P3H2: variants seen among roughly 807,000 people sequenced by gnomAD.
The protein encoded by P3H2 is leprecan-like 1.
P3H2 carries 80 observed loss-of-function variants against 87.0 expected under a neutral mutation model. That is an observed-to-expected ratio of 0.92 (90% CI 0.77 to 1.11). The LOEUF (loss-of-function observed/expected upper bound fraction) is 1.11. Among genes scored for constraint, P3H2 ranks in the 50% least tolerant of loss-of-function variants. The probability of loss-of-function intolerance (pLI) is 0.00; values close to 1 mark genes in which losing one functional copy is unlikely to be tolerated. For missense variants in P3H2, 1,001 were observed against 923.9 expected (o/e 1.08, Z -1.08); for synonymous variants, 367 against 359.3 (o/e 1.02, Z -0.24).
chr3:190,042,542 A>G (rs1725669898), intron 1 of P3H2, among the ~76,000 whole-genome samples: 1 of 152,202 alleles, frequency 6.6e-6, no homozygotes, highest in African/African-American at 2.4e-5. Context: ...CTAAAGCTGT[A>G]TAGCAATATA....
intron 1 of P3H2, among the ~76,000 whole-genome samples, chr3:190,099,026 G>A (rs770956711): frequency 3.1e-4 from 47 of 151,826 alleles, no homozygotes; most frequent in Admixed American, 1.2e-3. Flanking sequence ...TGCTATAGCT[G>A]TGCTTTTTTT....
intron 13 of P3H2, among the ~76,000 whole-genome samples, chr3:189,965,853 G>T (rs986050615): frequency 6.6e-6 from 1 of 151,766 alleles, no homozygotes; most frequent in African/African-American, 2.4e-5. Flanking sequence ...AGATGTGTTG[G>T]TGGGTGCCTG....
At chr3:189,983,245 T>C in intron 7 of P3H2, 105 bp from the exon 8 acceptor site, 5 of 836,550 alleles carry the variant, frequency 6.0e-6, no homozygotes, top group South Asian at 1.5e-5. Context: ...TTGTGTATTT[T>C]ATTGTAAACA....
At chr3:190,105,908 C>T (rs1251954418) in intron 1 of P3H2, among the ~76,000 whole-genome samples, 1 of 152,178 alleles carries the variant, frequency 6.6e-6, no homozygotes, top group Non-Finnish European at 1.5e-5. Flanking sequence ...ACTTGTAACC[C>T]TCTACTACTT....
chr3:189,970,438 T>TGAAA (rs1404415746), intron 13 of P3H2, among the ~76,000 whole-genome samples: 3 of 151,356 alleles, frequency 2.0e-5, no homozygotes, highest in Non-Finnish European at 4.4e-5. Flanking sequence ...CCAGGTTACT[T>TGAAA]GAAAGACACC....
At chr3:190,008,219 T>G (rs1235518332) in intron 1 of P3H2, among the ~76,000 whole-genome samples, 1 of 151,926 alleles carries the variant, frequency 6.6e-6, no homozygotes, top group Non-Finnish European at 1.5e-5. Context: ...TAATAATTTT[T>G]TAGTATAGTT....
chr3:190,012,582 T>G (rs1459280801), intron 1 of P3H2, among the ~76,000 whole-genome samples: 1 of 152,228 alleles, frequency 6.6e-6, no homozygotes, highest in Admixed American at 6.5e-5. Flanking sequence ...GGGTTTCTAG[T>G]GTTCCTCTTC....
intron 1 of P3H2, among the ~76,000 whole-genome samples, chr3:190,095,670 G>C (rs189642462): frequency 5.4e-5 from 8 of 149,118 alleles, no homozygotes; most frequent in Non-Finnish European, 8.9e-5. Context: ...GCGTGATCTC[G>C]GCTCACTGCA....
In P3H2 at chr3:190,103,364, T is replaced by C. The variant is rs539939275; in HGVS notation, c.480+16888A>G. Among the ~76,000 whole-genome samples, 6 of 152,348 alleles carry C rather than the reference T, an allele frequency of 3.9e-5. No homozygotes were observed. In the South Asian group the frequency reaches 1.2e-3, roughly 32 times the overall value. On this transcript the variant is annotated intron_variant, in intron 1 of 14. Transcript: ENST00000319332. ...TAATCTGGAATTTAGGAGGTATTGATCATAAGACTATCAGACTTAATCTGG... is the reference window on the plus strand; with the variant it reads ...TAATCTGGAATTTAGGAGGTATTGACCATAAGACTATCAGACTTAATCTGG...
At chr3:189,969,170 C>A in intron 13 of P3H2, 1 of 661,408 alleles carries the variant, frequency 1.5e-6, no homozygotes. Context: ...TCCCGGTCCA[C>A]CAAAACTGCT....
At chr3:190,034,594 GAACA>G (rs1322188990) in intron 1 of P3H2, among the ~76,000 whole-genome samples, 2,549 of 11,024 alleles carry the variant, frequency 0.23, 75 homozygotes, top group African/African-American at 0.41. Flanking sequence ...GAGGAAGAAA[GAACA>G]AACAAATGGT....
chr3:189,983,312 T>C (rs1723595074), intron 7 of P3H2, 172 bp from the exon 8 acceptor site: 2 of 597,656 alleles, frequency 3.3e-6, no homozygotes, highest in Non-Finnish European at 5.9e-6. Context: ...AAGTTCTCTA[T>C]TTCCTCGGTG....
intron 1 of P3H2, among the ~76,000 whole-genome samples, chr3:190,044,044 G>A (rs1725723117): frequency 6.6e-6 from 1 of 152,152 alleles, no homozygotes; most frequent in South Asian, 2.1e-4. Context: ...TAAAATGAAA[G>A]AGAGATTGTT....
intron 1 of P3H2, among the ~76,000 whole-genome samples, chr3:190,053,827 T>C (rs1726065204): frequency 1.3e-5 from 2 of 152,176 alleles, no homozygotes; most frequent in African/African-American, 2.4e-5. Context: ...ATTTCTCTTA[T>C]AGTTTATGTA....
Position 189,968,366 on chromosome 3 carries a change from T to G in P3H2, c.1893+2450A>C, listed in dbSNP as rs1166070421. 2.6e-5 allele frequency among the ~76,000 whole-genome samples: 4 copies of G among 152,140 alleles called. No homozygotes were observed. In the East Asian group the frequency reaches 7.7e-4, roughly 29 times the overall value. On this transcript the variant is annotated intron_variant, in intron 13 of 14. Transcript: ENST00000319332. ...GGTGTTTGGTTTTCTGTTCCTGTGT[T>G]TGTTTGTTGAGAATGATGGTTTCCA... is the stretch of plus-strand genomic sequence containing the variant.
intron 8 of P3H2, among the ~76,000 whole-genome samples, chr3:189,979,740 T>C (rs1723468728): frequency 6.6e-6 from 1 of 151,586 alleles, no homozygotes; most frequent in African/African-American, 2.4e-5. Context: ...GGCGGGTGGA[T>C]CAACTGAGGT....
chr3:189,994,325 C>G, intron 2 of P3H2, 42 bp from the exon 3 acceptor site: 1 of 1,514,292 alleles, frequency 6.6e-7, no homozygotes, highest in South Asian at 1.1e-5. Flanking sequence ...AACAAACAAA[C>G]AAACAAACAA....
At chr3:189,992,085 TTTTG>T (rs1374441351) in intron 3 of P3H2, among the ~76,000 whole-genome samples, 1 of 151,994 alleles carries the variant, frequency 6.6e-6, no homozygotes, top group East Asian at 1.9e-4. Flanking sequence ...GAGTAGTGCT[TTTTG>T]TTTGTTTGTT....
intron 1 of P3H2, among the ~76,000 whole-genome samples, chr3:190,056,439 A>C (rs1235120928): frequency 6.6e-6 from 1 of 152,206 alleles, no homozygotes; most frequent in Non-Finnish European, 1.5e-5. Context: ...GCAAGGGCTC[A>C]CTAAACATTC....
Sources: gnomAD v4.1 joint callset for allele counts (sites outside exome capture counted in the v4.1 genomes callset) on GRCh38, gnomAD v4.1.1 for gene constraint, MANE v1.5 for transcripts, NCBI Gene and HGNC (gene_info 2026-07-23, HGNC 2026-07-21) for gene names.